The following KLF8 variants were observed in gnomAD, a reference collection of about 807,000 sequenced individuals.
KLF8 encodes KLF transcription factor 8.
In KLF8, 10 loss-of-function variants were observed where a neutral mutation model predicts 18.2. The ratio of observed to expected loss-of-function variants is 0.55; its 90% CI spans 0.34 to 0.93. The LOEUF is 0.93. KLF8 is among the 40% of genes least tolerant of loss of function. The probability of loss-of-function intolerance (pLI) is 0.02; values close to 1 mark genes in which losing one functional copy is unlikely to be tolerated. For missense variants in KLF8, 264 were observed against 277.9 expected (o/e 0.95, Z 0.36); for synonymous variants, 109 against 97.3 (o/e 1.12, Z -0.71).
At chrX:55,933,780 C>T in the KLF8 span, among the ~76,000 whole-genome samples, 56 of 111,869 alleles carry the variant, frequency 5.0e-4, no homozygotes, top group Non-Finnish European at 5.8e-4. Flanking sequence ...TGACTGTGTG[C>T]ACCTTCCAAC....
chrX:56,221,026 T>C, the KLF8 span, among the ~76,000 whole-genome samples: 4 of 112,396 alleles, frequency 3.6e-5, no homozygotes, highest in Admixed American at 2.8e-4. Context: ...TATACTAATT[T>C]ATATTCTCGG....
At chrX:55,961,627 G>A in the KLF8 span, 1 of 425,764 alleles carries the variant, frequency 2.3e-6, no homozygotes. Context: ...AACGATCAGA[G>A]CCTGTTTTCT....
At chrX:56,172,934 C>T in the KLF8 span, among the ~76,000 whole-genome samples, 5 of 111,607 alleles carry the variant, frequency 4.5e-5, no homozygotes, top group African/African-American at 1.3e-4. Flanking sequence ...ATGTCCTTTG[C>T]CTGGTTTTTG....
chrX:56,136,914 A>G, the KLF8 span, among the ~76,000 whole-genome samples: 1 of 111,822 alleles, frequency 8.9e-6, no homozygotes. Flanking sequence ...ACAAGAAAAA[A>G]ACAAACAACC....
the KLF8 span, among the ~76,000 whole-genome samples, chrX:56,063,696 C>T: frequency 9.0e-6 from 1 of 111,329 alleles, no homozygotes; most frequent in African/African-American, 3.3e-5. Context: ...CTGGGAGATC[C>T]CCTGCTCTCT....
the KLF8 span, among the ~76,000 whole-genome samples, chrX:56,118,730 A>T: frequency 8.9e-6 from 1 of 111,998 alleles, no homozygotes; most frequent in Non-Finnish European, 1.9e-5. Context: ...TATAATGGAA[A>T]AACTTCTTCT....
the KLF8 span, among the ~76,000 whole-genome samples, chrX:56,007,092 A>C: frequency 8.9e-6 from 1 of 112,077 alleles, no homozygotes; most frequent in East Asian, 2.8e-4. Flanking sequence ...GGCTCTCAGG[A>C]TCTGGTTACT....
In KLF8 at chrX:56,289,745, G is replaced by A. The variant is rs976949739; in HGVS notation, c.*5251G>A. Among the ~76,000 whole-genome samples the A allele has an allele frequency of 2.7e-5, 3 of 111,209 alleles. No individual in the cohort carries two copies. Among genetic ancestry groups the A allele is most frequent in the Non-Finnish European group, 3.8e-5 (2 of 53,079 alleles). On this transcript the variant is annotated 3_prime_UTR_variant, in exon 6 of 6. Coordinates refer to ENST00000468660, the MANE Select transcript of KLF8 (RefSeq NM_007250.5). ...ATAGCAGTATCTGAATTGTTAACCT[G>A]TATACCCATGGGAAACAACTTTATC...
chrX:56,199,543 G>T, the KLF8 span, among the ~76,000 whole-genome samples: 1 of 111,544 alleles, frequency 9.0e-6, no homozygotes, highest in African/African-American at 3.3e-5. Flanking sequence ...ACCATGTCAC[G>T]CCAGTTAGAA....
chrX:56,237,793 G>T (rs1376208631), intron 1 of KLF8, among the ~76,000 whole-genome samples: 1 of 111,922 alleles, frequency 8.9e-6, no homozygotes, highest in Non-Finnish European at 1.9e-5. Flanking sequence ...AGTTCTGGAG[G>T]CTGGGAGTCC....
At chrX:56,130,893 C>G in the KLF8 span, among the ~76,000 whole-genome samples, 1 of 111,289 alleles carries the variant, frequency 9.0e-6, no homozygotes, top group South Asian at 3.7e-4. Context: ...ATTGAACAAA[C>G]AGAAAAAAGA....
the KLF8 span, among the ~76,000 whole-genome samples, chrX:56,034,748 CTTTTTTTTT>C: frequency 1.7e-4 from 9 of 53,834 alleles, no homozygotes; most frequent in East Asian, 3.0e-3. Flanking sequence ...GAACTTATTT[CTTTTTTTTT>C]TTTTTTTTTT....
rs2067260415 is a variant in KLF8, at chrX:56,285,659, G to A, written c.*1165G>A. 9.0e-6 allele frequency: 1 copy of A among 111,696 alleles called. No homozygotes were observed. Among genetic ancestry groups the A allele is most frequent in the South Asian group, 3.7e-4 (1 of 2,675 alleles). The allele number at this position is 111,696 out of a possible 1,213,427, so 9.2% of individuals were successfully genotyped here. On this transcript the variant is annotated 3_prime_UTR_variant, in exon 6 of 6. Transcript: ENST00000468660. ...TTTCATGAAAACTGACCTACAAAAA[G>A]CAATTTGATGTTCTGCAACTGCTAT...
At chrX:55,978,831 T>A in the KLF8 span, among the ~76,000 whole-genome samples, 2 of 111,805 alleles carry the variant, frequency 1.8e-5, no homozygotes, top group Non-Finnish European at 3.8e-5. Flanking sequence ...ATATAAATGT[T>A]ATCAGTTCTA....
chrX:56,009,510 A>G, the KLF8 span, among the ~76,000 whole-genome samples: 1 of 112,615 alleles, frequency 8.9e-6, no homozygotes, highest in East Asian at 2.8e-4. Flanking sequence ...GAAAGAATTA[A>G]TGAAGAAACA....
At chrX:56,165,096 G>T in the KLF8 span, among the ~76,000 whole-genome samples, 1 of 107,984 alleles carries the variant, frequency 9.3e-6, no homozygotes, top group South Asian at 4.1e-4. Flanking sequence ...CATTTTTTAT[G>T]GCTGCATAGT....
At chrX:56,280,000 C>G (rs895165200) in intron 5 of KLF8, among the ~76,000 whole-genome samples, 5 of 111,699 alleles carry the variant, frequency 4.5e-5, no homozygotes, top group African/African-American at 6.5e-5. Context: ...AGTGCCGTCT[C>G]TGTCTTTGGT....
chrX:56,034,133 T>G, the KLF8 span, among the ~76,000 whole-genome samples: 1 of 112,271 alleles, frequency 8.9e-6, no homozygotes, highest in Non-Finnish European at 1.9e-5. Context: ...TCTTTTAGTA[T>G]TTTTACATTT....
chrX:56,061,069 G>A, the KLF8 span, among the ~76,000 whole-genome samples: 1 of 110,938 alleles, frequency 9.0e-6, no homozygotes, highest in African/African-American at 3.3e-5. Context: ...TTCTTTATTA[G>A]TCTGGCTAGA....
Sources: gnomAD v4.1 joint callset for allele counts (sites outside exome capture counted in the v4.1 genomes callset) on GRCh38, gnomAD v4.1.1 for gene constraint, MANE v1.5 for transcripts, NCBI Gene and HGNC (gene_info 2026-07-23, HGNC 2026-07-21) for gene names.